HS6ST3: variants seen among roughly 807,000 people sequenced by gnomAD.
The protein encoded by HS6ST3 is heparan sulfate 6-O-sulfotransferase 3, also known as heparan-sulfate 6-O-sulfotransferase 3.
In HS6ST3, 12 loss-of-function variants were observed where a neutral mutation model predicts 36.7. That is an observed-to-expected ratio of 0.33 (90% CI 0.21 to 0.53). The LOEUF (loss-of-function observed/expected upper bound fraction) is 0.53. Ranked by LOEUF, HS6ST3 falls within the 20% of genes least tolerant of loss-of-function variation. HS6ST3 has a pLI of 0.95. For missense variants in HS6ST3, 584 were observed against 640.9 expected (o/e 0.91, Z 0.96); for synonymous variants, 240 against 257.5 (o/e 0.93, Z 0.65).
chr13:96,644,257 A>C (rs2139008524), intron 1 of HS6ST3, among the ~76,000 whole-genome samples: 1 of 152,124 alleles, frequency 6.6e-6, no homozygotes, highest in Non-Finnish European at 1.5e-5. Flanking sequence ...TTCAAGTGCC[A>C]GTGAAGCTTC....
At chr13:96,472,528 C>G (rs539856335) in intron 1 of HS6ST3, among the ~76,000 whole-genome samples, 1 of 152,310 alleles carries the variant, frequency 6.6e-6, no homozygotes, top group African/African-American at 2.4e-5. Flanking sequence ...CCATGAAACA[C>G]ACATCGATGC....
At chr13:96,312,713 A>G (rs1309041249) in intron 1 of HS6ST3, among the ~76,000 whole-genome samples, 1 of 151,996 alleles carries the variant, frequency 6.6e-6, no homozygotes, top group Non-Finnish European at 1.5e-5. Context: ...GCACTTTGGG[A>G]GGCTGAGTCG....
intron 1 of HS6ST3, among the ~76,000 whole-genome samples, chr13:96,536,062 A>G (rs753990737): frequency 1.4e-4 from 21 of 152,100 alleles, no homozygotes; most frequent in Admixed American, 2.6e-4. Flanking sequence ...GCACATTTTA[A>G]CTCCCCTGGA....
chr13:96,606,735 G>A (rs984806554), intron 1 of HS6ST3, among the ~76,000 whole-genome samples: 1 of 151,944 alleles, frequency 6.6e-6, no homozygotes, highest in Non-Finnish European at 1.5e-5. Context: ...CCACATGACA[G>A]ATCTGCCCAT....
At chr13:96,695,092 T>A (rs1035256386) in intron 1 of HS6ST3, among the ~76,000 whole-genome samples, 4 of 152,172 alleles carry the variant, frequency 2.6e-5, no homozygotes, top group Non-Finnish European at 4.4e-5. Flanking sequence ...TTTAAAAAAA[T>A]TATTTTTTAT....
intron 1 of HS6ST3, among the ~76,000 whole-genome samples, chr13:96,824,086 G>C (rs917349581): frequency 6.6e-6 from 1 of 152,220 alleles, no homozygotes; most frequent in African/African-American, 2.4e-5. Flanking sequence ...AGCCACCCGA[G>C]CCTCTCCCCT....
chr13:96,688,677 C>T (rs1257925759), intron 1 of HS6ST3, among the ~76,000 whole-genome samples: 1 of 152,030 alleles, frequency 6.6e-6, no homozygotes, highest in Non-Finnish European at 1.5e-5. Context: ...TGTGTATGAA[C>T]TCCCTCTCCT....
chr13:96,546,305 T>C (rs2056197394), intron 1 of HS6ST3, among the ~76,000 whole-genome samples: 1 of 152,040 alleles, frequency 6.6e-6, no homozygotes, highest in Admixed American at 6.6e-5. Context: ...AGAGAACCAT[T>C]ACAGGGGCGT....
At chr13:96,252,401 T>A (rs2054611775) in intron 1 of HS6ST3, among the ~76,000 whole-genome samples, 1 of 152,210 alleles carries the variant, frequency 6.6e-6, no homozygotes, top group Admixed American at 6.5e-5. Context: ...TGGGGTCTCT[T>A]CGACCTTTTC....
intron 1 of HS6ST3, among the ~76,000 whole-genome samples, chr13:96,808,036 T>A (rs1028012300): frequency 6.6e-6 from 1 of 152,184 alleles, no homozygotes; most frequent in Non-Finnish European, 1.5e-5. Flanking sequence ...CAGATGTACA[T>A]ACCTAAAATA....
intron 1 of HS6ST3, among the ~76,000 whole-genome samples, chr13:96,162,842 TTAAC>T (rs1566896813): frequency 6.6e-6 from 1 of 152,240 alleles, no homozygotes; most frequent in Non-Finnish European, 1.5e-5. Context: ...GATATGTTAA[TTAAC>T]TATTGTGTTT....
chr13:96,395,130 T>A (rs988039646), intron 1 of HS6ST3, among the ~76,000 whole-genome samples: 1 of 152,256 alleles, frequency 6.6e-6, no homozygotes, highest in African/African-American at 2.4e-5. Context: ...CTCCAGAGGG[T>A]ATTGGAGAGA....
intron 1 of HS6ST3, among the ~76,000 whole-genome samples, chr13:96,160,432 T>G (rs1024993157): frequency 3.3e-5 from 5 of 152,212 alleles, no homozygotes; most frequent in Non-Finnish European, 7.3e-5. Flanking sequence ...AAGGTCAGTT[T>G]TATTCATTAT....
At chr13:96,715,648 C>G (rs112268473) in intron 1 of HS6ST3, among the ~76,000 whole-genome samples, 9 of 152,122 alleles carry the variant, frequency 5.9e-5, no homozygotes, top group African/African-American at 2.2e-4. Flanking sequence ...CAGTTTCTCC[C>G]CTATCTCTAG....
intron 1 of HS6ST3, among the ~76,000 whole-genome samples, chr13:96,519,795 T>C (rs912843571): frequency 2.0e-5 from 3 of 152,168 alleles, no homozygotes; most frequent in African/African-American, 7.2e-5. Context: ...TCCCATAAAG[T>C]TGTTCTGTAA....
At chr13:96,756,160 T>C (rs960901979) in intron 1 of HS6ST3, among the ~76,000 whole-genome samples, 7 of 152,218 alleles carry the variant, frequency 4.6e-5, no homozygotes, top group Admixed American at 4.6e-4. Flanking sequence ...TTGTGACGTG[T>C]CTGTTCAAAT....
intron 1 of HS6ST3, among the ~76,000 whole-genome samples, chr13:96,789,904 G>A (rs1877741532): frequency 6.6e-6 from 1 of 151,700 alleles, no homozygotes; most frequent in South Asian, 2.1e-4. Flanking sequence ...ATTTTTTTAA[G>A]TTTATCTTGC....
intron 1 of HS6ST3, among the ~76,000 whole-genome samples, chr13:96,625,507 A>G (rs1030775320): frequency 6.6e-6 from 1 of 152,148 alleles, no homozygotes; most frequent in Non-Finnish European, 1.5e-5. Flanking sequence ...CCATAGCTCC[A>G]TACTGTTTCC....
chr13:96,746,159 C>CTAAAAA (rs1320756941), intron 1 of HS6ST3, among the ~76,000 whole-genome samples: 1 of 152,060 alleles, frequency 6.6e-6, no homozygotes, highest in East Asian at 1.9e-4. Context: ...AAGTAAGGGA[C>CTAAAAA]TAAATCCAGG....
Sources: gnomAD v4.1 joint callset for allele counts (sites outside exome capture counted in the v4.1 genomes callset) on GRCh38, gnomAD v4.1.1 for gene constraint, MANE v1.5 for transcripts, NCBI Gene and HGNC (gene_info 2026-07-23, HGNC 2026-07-21) for gene names.